SORBS2: variants seen among roughly 807,000 people sequenced by gnomAD.
SORBS2 encodes the protein sorbin and SH3 domain-containing protein 2.
Under a neutral mutation model 97.7 loss-of-function variants are expected in SORBS2, and 46 were observed. The observed-to-expected ratio is 0.47, with a 90% CI of 0.37 to 0.60. The LOEUF (loss-of-function observed/expected upper bound fraction) is 0.60. SORBS2 is among the 20% of genes least tolerant of loss of function. SORBS2 has a pLI of 0.00. For missense variants in SORBS2, 1,316 were observed against 1,282.3 expected, an observed-to-expected ratio of 1.03 and a Z score of -0.40; for synonymous variants, 476 against 473.4, an observed-to-expected ratio of 1.01 and a Z score of -0.07.
At chr4:185,853,801 T>A (rs2099219247) in intron 1 of SORBS2, among the ~76,000 whole-genome samples, 1 of 152,300 alleles carries the variant, frequency 6.6e-6, no homozygotes, top group African/African-American at 2.4e-5. Flanking sequence ...GGAATGAGTT[T>A]TGAGGAAGAA....
intron 4 of SORBS2, chr4:185,677,281 G>C: frequency 4.5e-6 from 7 of 1,552,100 alleles, no homozygotes; most frequent in Non-Finnish European, 6.1e-6. Context: ...TCCTGGTTAT[G>C]GGTTAGTTTC....
At chr4:185,955,507 C>T (rs2099279114) in intron 1 of SORBS2, among the ~76,000 whole-genome samples, 1 of 152,202 alleles carries the variant, frequency 6.6e-6, no homozygotes, top group African/African-American at 2.4e-5. Flanking sequence ...CTCCACAAAG[C>T]AATCTCATGC....
intron 1 of SORBS2, among the ~76,000 whole-genome samples, chr4:185,862,130 T>C (rs1052830559): frequency 6.6e-6 from 1 of 152,056 alleles, no homozygotes; most frequent in Non-Finnish European, 1.5e-5. Context: ...AAACAGTGTA[T>C]GTATATGTGT....
chr4:185,645,179 C>T (rs564999000), intron 4 of SORBS2, among the ~76,000 whole-genome samples: 4 of 152,236 alleles, frequency 2.6e-5, no homozygotes, highest in African/African-American at 7.2e-5. Context: ...TTACCATGTT[C>T]GTTATCCTAA....
intron 2 of SORBS2, among the ~76,000 whole-genome samples, chr4:185,721,084 C>CT (rs1160319469): frequency 0.055 from 5,033 of 91,946 alleles, 441 homozygotes; most frequent in East Asian, 0.21. Context: ...CCCACCTATT[C>CT]TTTTTTTTTT....
chr4:185,749,689 T>G (rs2098788003), intron 2 of SORBS2, among the ~76,000 whole-genome samples: 1 of 152,208 alleles, frequency 6.6e-6, no homozygotes, highest in African/African-American at 2.4e-5. Context: ...ATAATTTTGG[T>G]GCAAAAGCAG....
intron 2 of SORBS2, among the ~76,000 whole-genome samples, chr4:185,750,496 C>A (rs1156669398): frequency 3.3e-5 from 5 of 152,202 alleles, no homozygotes; most frequent in Non-Finnish European, 7.3e-5. Flanking sequence ...ATTACACATG[C>A]TGTTCCAGTG....
chr4:185,865,280 CT>C (rs1242335947), intron 1 of SORBS2, among the ~76,000 whole-genome samples: 1 of 152,166 alleles, frequency 6.6e-6, no homozygotes, highest in East Asian at 1.9e-4. Context: ...CCGCGGCCCC[CT>C]GCACAGGAAC....
chr4:185,587,812 G>C (rs1580331180), intron 14 of SORBS2, 124 bp from the exon 27 acceptor site: 1 of 733,468 alleles, frequency 1.4e-6, no homozygotes, highest in East Asian at 2.7e-5. Context: ...TGGAAAAGAA[G>C]GCAGGCAACT....
intron 1 of SORBS2, among the ~76,000 whole-genome samples, chr4:185,653,780 G>A (rs528409060): frequency 4.5e-4 from 69 of 152,262 alleles, no homozygotes; most frequent in African/African-American, 1.6e-3. Flanking sequence ...TTTTATAATC[G>A]TACTCACAGA....
chr4:185,730,996 C>T (rs1009175723), intron 2 of SORBS2, among the ~76,000 whole-genome samples: 1 of 152,234 alleles, frequency 6.6e-6, no homozygotes, highest in African/African-American at 2.4e-5. Context: ...CAACAGAATG[C>T]TGTTCTCGGG....
chr4:185,814,813 G>C (rs28628189), intron 1 of SORBS2, among the ~76,000 whole-genome samples: 44,559 of 151,996 alleles, frequency 0.29, 6,957 homozygotes, highest in African/African-American at 0.4. Flanking sequence ...TCTGCTGCCA[G>C]TCTGTTCTTC....
chr4:185,717,582 T>C (rs940679346), intron 2 of SORBS2, among the ~76,000 whole-genome samples: 2 of 152,158 alleles, frequency 1.3e-5, no homozygotes, highest in African/African-American at 4.8e-5. Flanking sequence ...CTTACACATA[T>C]AGGTAGAAGC....
intron 2 of SORBS2, among the ~76,000 whole-genome samples, chr4:185,726,550 T>C (rs1273033984): frequency 6.6e-6 from 1 of 151,930 alleles, no homozygotes; most frequent in Admixed American, 6.6e-5. Context: ...TTGTATAAGC[T>C]CTGTTACTTA....
At chr4:185,601,848 T>G (rs905874138) in intron 12 of SORBS2, among the ~76,000 whole-genome samples, 3 of 152,038 alleles carry the variant, frequency 2.0e-5, no homozygotes, top group Non-Finnish European at 4.4e-5. Flanking sequence ...GTGACGAGAC[T>G]TCCTGGTGGG....
At chr4:185,757,898 A>G (rs1017984111) in intron 2 of SORBS2, among the ~76,000 whole-genome samples, 2 of 152,224 alleles carry the variant, frequency 1.3e-5, no homozygotes, top group African/African-American at 4.8e-5. Context: ...TTTTACTCAT[A>G]TTTTTGGAAT....
chr4:185,662,193 C>T, exon 5 of SORBS2: 2 of 1,613,848 alleles, frequency 1.2e-6, no homozygotes, highest in Non-Finnish European at 1.7e-6. Flanking sequence ...CTGATAGTAA[C>T]TCATGGGACT....
intron 4 of SORBS2, among the ~76,000 whole-genome samples, chr4:185,639,563 T>G (rs968972472): frequency 1.3e-5 from 2 of 152,218 alleles, no homozygotes; most frequent in African/African-American, 4.8e-5. Flanking sequence ...CATGGCTGAC[T>G]AGATTGATTT....
chr4:185,640,295 T>A (rs534936087), intron 4 of SORBS2, among the ~76,000 whole-genome samples: 1 of 152,326 alleles, frequency 6.6e-6, no homozygotes, highest in African/African-American at 2.4e-5. Context: ...GTTACAAAGG[T>A]ATTACAAAGC....
Sources: allele counts gnomAD v4.1 joint callset (sites outside exome capture counted in the v4.1 genomes callset), GRCh38; gene constraint gnomAD v4.1.1; transcripts MANE v1.5; gene names NCBI Gene and HGNC (gene_info 2026-07-23, HGNC 2026-07-21).